The following HPSE variants were observed in gnomAD, a reference collection of about 807,000 sequenced individuals.
HPSE encodes the protein heparanase.
A neutral mutation model predicts 65.1 loss-of-function variants in HPSE; 48 were observed. The ratio of observed to expected loss-of-function variants is 0.74; its 90% CI spans 0.58 to 0.94. The LOEUF (loss-of-function observed/expected upper bound fraction) is 0.94, where lower values mean the gene tolerates loss of function less well. HPSE is among the 40% of genes least tolerant of loss of function. The pLI is 0.00. For synonymous variants in HPSE, 243 were observed against 260.0 expected, an observed-to-expected ratio of 0.93 and a Z score of 0.63; for missense variants, 644 against 637.5, an observed-to-expected ratio of 1.01 and a Z score of -0.11.
chr4:83,295,877 C>G (rs1735704539), intron 11 of HPSE, among the ~76,000 whole-genome samples: 1 of 152,122 alleles, frequency 6.6e-6, no homozygotes, highest in Non-Finnish European at 1.5e-5. Flanking sequence ...TAATTGAAAC[C>G]TTTTTTATGT....
intron 9 of HPSE, among the ~76,000 whole-genome samples, chr4:83,305,155 T>G (rs1332849190): frequency 1.3e-5 from 2 of 152,208 alleles, no homozygotes; most frequent in Non-Finnish European, 2.9e-5. Flanking sequence ...GAGAAGCATA[T>G]TTAGTGCATA....
intron 11 of HPSE, among the ~76,000 whole-genome samples, chr4:83,297,285 G>A (rs1578001223): frequency 6.6e-6 from 1 of 151,402 alleles, no homozygotes; most frequent in Non-Finnish European, 1.5e-5. Flanking sequence ...ATCACCTATC[G>A]ACACATTTCT....
intron 11 of HPSE, 88 bp from the exon 12 acceptor site, chr4:83,295,591 A>G (rs1247383156): frequency 1.7e-6 from 2 of 1,168,876 alleles, no homozygotes; most frequent in Admixed American, 5.3e-5. Flanking sequence ...TTTTTAGACC[A>G]AATAAATTTT....
At chr4:83,319,942 C>A (rs1736813712) in intron 2 of HPSE, among the ~76,000 whole-genome samples, 1 of 150,920 alleles carries the variant, frequency 6.6e-6, no homozygotes, top group Admixed American at 6.6e-5. Context: ...ATCACTTCAA[C>A]CCACGAGGCG....
At chr4:83,309,135 G>C (rs1466865421) in intron 7 of HPSE, among the ~76,000 whole-genome samples, 184 bp from the exon 8 acceptor site, 2 of 152,176 alleles carry the variant, frequency 1.3e-5, no homozygotes, top group Non-Finnish European at 2.9e-5. Flanking sequence ...ATAGTAGGCT[G>C]TGGAAGGAAC....
chr4:83,316,357 A>AAC (rs1333335190), intron 3 of HPSE, among the ~76,000 whole-genome samples: 1 of 151,446 alleles, frequency 6.6e-6, no homozygotes, highest in African/African-American at 2.4e-5. Context: ...AAACAAAAAA[A>AAC]ACAGAAGGAC....
rs1737157005 is a variant in HPSE, at chr4:83,326,385, G to A, written c.228-4021C>T. The stretch of plus-strand genomic sequence containing the variant: ...TAGATTTGATTATTAATTGGATGTT[G>A]AGGAGGAGTCAAGGATTACTCCTGG... On this transcript the variant is annotated intron_variant, in intron 1 of 11. Transcript: ENST00000311412. The surrounding 1 kb of genome is among the most constrained non-coding windows in gnomAD (Gnocchi z 4.2). Among the ~76,000 whole-genome samples the A allele has an allele frequency of 6.6e-6, 1 of 152,130 alleles. No individual in the cohort carries two copies. The highest frequency in any genetic ancestry group is 1.5e-5 in the Non-Finnish European group (1 of 68,038).
intron 2 of HPSE, among the ~76,000 whole-genome samples, chr4:83,321,812 T>C (rs1736903399): frequency 6.6e-6 from 1 of 152,190 alleles, no homozygotes; most frequent in Non-Finnish European, 1.5e-5. Flanking sequence ...TTCACCCATA[T>C]TCTATATTTA....
chr4:83,319,592 T>A, intron 2 of HPSE, 123 bp from the exon 3 acceptor site: 1 of 972,550 alleles, frequency 1.0e-6, no homozygotes, highest in Non-Finnish European at 1.5e-6. Context: ...GGTTATGAGG[T>A]AGGAGAGCAG....
chr4:83,323,969 A>ACAC (rs1262299393), intron 1 of HPSE, among the ~76,000 whole-genome samples: 1 of 152,202 alleles, frequency 6.6e-6, no homozygotes, highest in African/African-American at 2.4e-5. Flanking sequence ...AATGCTGGCC[A>ACAC]CACTGCTTCC....
At chr4:83,303,432 C>T (rs1274897065) in intron 9 of HPSE, among the ~76,000 whole-genome samples, 3 of 32,198 alleles carry the variant, frequency 9.3e-5, no homozygotes, top group Non-Finnish European at 1.1e-4. Flanking sequence ...TAACTATCAA[C>T]AATATTTTAG....
rs368980676 is a variant in HPSE, at chr4:83,293,426, G to A, written c.*1918C>T. 8 of 152,234 alleles carry A rather than the reference G, an allele frequency of 5.3e-5. No homozygotes were observed. Among genetic ancestry groups the A allele is most frequent in the South Asian group, 4.1e-4 (2 of 4,830 alleles). The allele number at this position is 152,234 out of a possible 1,614,324, so 9.4% of individuals were successfully genotyped here. ...ACCAGAGTCTGAGAATGAAGCCAGCGCTAAAGATGGCAGAGCAGAGAGCTG... is the reference window on the plus strand; with the variant it reads ...ACCAGAGTCTGAGAATGAAGCCAGCACTAAAGATGGCAGAGCAGAGAGCTG... On this transcript the variant is annotated 3_prime_UTR_variant, in exon 12 of 12. Coordinates refer to ENST00000311412, the MANE Select transcript of HPSE (RefSeq NM_001098540.3).
chr4:83,322,789 T>TTGTGTGTGTGTGTGTGTG (rs386400677), intron 1 of HPSE, among the ~76,000 whole-genome samples: 1 of 104,004 alleles, frequency 9.6e-6, no homozygotes, highest in African/African-American at 3.7e-5. Flanking sequence ...AAGAGCTTGT[T>TTGTGTGTGTGTGTGTGTG]TGTGTGTGTG....
At chr4:83,334,460 AGTT>A (rs1010334589) in intron 1 of HPSE, 93 bp downstream of exon 1, 8 of 1,356,106 alleles carry the variant, frequency 5.9e-6, no homozygotes, top group Non-Finnish European at 8.0e-6. Flanking sequence ...TCCGGTGTGA[AGTT>A]GTTTCCGCGC....
chr4:83,313,095 TGTTCCC>T lies in HPSE; in HGVS notation c.673+13_673+18del. On this transcript the variant is annotated intron_variant, in intron 4 of 11. Coordinates refer to ENST00000311412, the MANE Select transcript of HPSE (RefSeq NM_001098540.3). Reference sequence around the variant, plus strand: ...GTGGGGGATCTCCTTATTAATGAATTGTTCCCTGGGGTACTCACCATTGCCTAGTTC... The same window carrying T: ...GTGGGGGATCTCCTTATTAATGAATTTGGGGTACTCACCATTGCCTAGTTC... The T allele has an allele frequency of 6.6e-7, 1 of 1,509,314 alleles. No individual in the cohort carries two copies. The highest frequency in any genetic ancestry group is 2.3e-5 in the East Asian group (1 of 44,044). 93.5% of individuals were successfully genotyped at this position (1,509,314 alleles called of 1,614,324 possible).
chr4:83,306,377 T>C, intron 8 of HPSE, 60 bp from the exon 9 acceptor site: 5 of 789,564 alleles, frequency 6.3e-6, no homozygotes, highest in Non-Finnish European at 1.1e-5. Flanking sequence ...TCAATTCTAA[T>C]TGCACACCAT....
intron 11 of HPSE, among the ~76,000 whole-genome samples, chr4:83,298,419 G>A (rs562930697): frequency 1.3e-5 from 2 of 152,188 alleles, no homozygotes; most frequent in South Asian, 4.1e-4. Context: ...GCAGGATTGC[G>A]TGAGTCCAGG....
At position 83,293,468 on chromosome 4, in the gene HPSE, C is replaced by T. The variant is rs1475153168; in HGVS notation, c.*1876G>A. ...AGAGAGCTGGGAAGAACCCAGATCC[C>T]TGGTGACGTACTGAAGTGCTGGAGC... On this transcript the variant is annotated 3_prime_UTR_variant, in exon 12 of 12. Transcript: ENST00000311412. 3 of 152,200 alleles carry T rather than the reference C, an allele frequency of 2.0e-5. No individual in the cohort carries two copies. Among genetic ancestry groups the T allele is most frequent in the Non-Finnish European group, 4.4e-5 (3 of 68,046 alleles). 9.4% of individuals were successfully genotyped at this position (152,200 alleles called of 1,614,324 possible).
chr4:83,317,119 G>A (rs1035818885), intron 3 of HPSE, among the ~76,000 whole-genome samples: 3 of 152,134 alleles, frequency 2.0e-5, no homozygotes, highest in African/African-American at 4.8e-5. Context: ...GGTTGGTCTC[G>A]AACTCCTGAC....
Sources: gnomAD v4.1 joint callset for allele counts (sites outside exome capture counted in the v4.1 genomes callset) on GRCh38, gnomAD v4.1.1 for gene constraint, Gnocchi (gnomAD v3.1) non-coding constraint, MANE v1.5 for transcripts, NCBI Gene and HGNC (gene_info 2026-07-23, HGNC 2026-07-21) for gene names.